The following GAL3ST2 variants were observed in gnomAD, a reference collection of about 807,000 sequenced individuals.
The protein encoded by GAL3ST2 is beta-galactose-3-O-sulfotransferase 2.
Under a neutral mutation model 12.9 loss-of-function variants are expected in GAL3ST2, and 16 were observed. The observed-to-expected ratio is 1.24, with a 90% confidence interval of 0.84 to 1.88. GAL3ST2 has a LOEUF of 1.88. Among genes scored for constraint, GAL3ST2 ranks in the 40% most tolerant of loss-of-function variants. The pLI is 0.00. For synonymous variants in GAL3ST2, 302 were observed against 273.9 expected, an observed-to-expected ratio of 1.10 and a Z score of -1.01; for missense variants, 639 against 571.8, an observed-to-expected ratio of 1.12 and a Z score of -1.20.
chr2:241,780,090 G>GA (rs1274461394), intron 1 of GAL3ST2, among the ~76,000 whole-genome samples: 5 of 151,844 alleles, frequency 3.3e-5, no homozygotes, highest in African/African-American at 9.7e-5. Flanking sequence ...GGGAAAAAAA[G>GA]AAAAAAATGC....
At chr2:241,781,420 C>A (rs918970866) in intron 1 of GAL3ST2, among the ~76,000 whole-genome samples, 1 of 152,014 alleles carries the variant, frequency 6.6e-6, no homozygotes, top group Admixed American at 6.6e-5. Context: ...TATTTAAGAA[C>A]ACCTGTTAGA....
chr2:241,776,885 G>A lies in GAL3ST2; in HGVS notation c.-71G>A, dbSNP rs1292655342. ...CACCCTGGGGAGCCCAGAGCCGGCA[G>A]GGGCCGAGGCGGTGGGACCTCGGGG... On this transcript the variant is annotated 5_prime_UTR_variant, in exon 1 of 4. Transcript: ENST00000192314. The A allele has an allele frequency of 3.0e-6, 4 of 1,335,930 alleles. No homozygotes were observed. In the African/African-American group the frequency reaches 4.5e-5, roughly 15 times the overall value. 82.8% of individuals were successfully genotyped at this position (1,335,930 alleles called of 1,614,324 possible).
In GAL3ST2 at chr2:241,804,098, A is replaced by C. The variant is rs756952557; in HGVS notation, c.1129A>C (p.Met377Leu). 28 of 1,525,730 alleles carry C rather than the reference A, an allele frequency of 1.8e-5. No homozygotes were observed. The highest frequency in any genetic ancestry group is 3.4e-4 in the Middle Eastern group (2 of 5,866). The allele number at this position is 1,525,730 out of a possible 1,614,324, so 94.5% of individuals were successfully genotyped here. The stretch of plus-strand genomic sequence containing the variant: ...GCTTGTGATGCCTGAGCTCCAGTAC[A>C]TGGCCCGCCTGTACGCCCTGCAGTT... ...QRLVMPELQY[M>L]ARLYALQFPE... is the part of the protein sequence containing the mutation. The change falls in exon 4 of 4, where the codon ATG becomes CTG. Residue 377 changes from methionine to leucine, a missense_variant. By Grantham distance (15) the Met-to-Leu change is conservative (BLOSUM62 2). Transcript: ENST00000192314.
Position 241,802,283 on chromosome 2 carries a change from C to T in GAL3ST2, c.375+247C>T, listed in dbSNP as rs956635045. ...CCCCACAGCCCCTGCCCAAGGGCGTCCCCAGCGCTCCCCCGCTTCTCTGGC... is the reference window on the plus strand; with the variant it reads ...CCCCACAGCCCCTGCCCAAGGGCGTTCCCAGCGCTCCCCCGCTTCTCTGGC... On this transcript the variant is annotated intron_variant, in intron 3 of 3. Transcript: ENST00000192314. This position sits in a 1 kb window ranked among gnomAD's most constrained non-coding sequence, Gnocchi z 4.8. Among the ~76,000 whole-genome samples, 1 of 152,200 alleles carries T rather than the reference C, an allele frequency of 6.6e-6. No individual in the cohort carries two copies. Among genetic ancestry groups the T allele is most frequent in the African/African-American group, 2.4e-5 (1 of 41,460 alleles).
At chr2:241,777,895 G>A (rs115997942) in intron 1 of GAL3ST2, among the ~76,000 whole-genome samples, 2,650 of 152,266 alleles carry the variant, frequency 0.017, 83 homozygotes, top group African/African-American at 0.061. Flanking sequence ...CCCCGAGGTC[G>A]GCCAGGGCGG....
intron 1 of GAL3ST2, among the ~76,000 whole-genome samples, chr2:241,791,637 TA>T (rs2125193186): frequency 6.6e-6 from 1 of 152,300 alleles, no homozygotes; most frequent in South Asian, 2.1e-4. Flanking sequence ...GGCTCGGCTT[TA>T]AAAAAGTCTT....
chr2:241,783,167 T>C (rs1699586536), intron 1 of GAL3ST2, among the ~76,000 whole-genome samples: 1 of 151,894 alleles, frequency 6.6e-6, no homozygotes, highest in African/African-American at 2.4e-5. Context: ...CAAAAAAAGT[T>C]TAATCTCAAT....
Position 241,801,334 on chromosome 2 carries a change from TGCCACATTTTCTTTAC to T in GAL3ST2, c.120-445_120-430del. 1.7e-3 allele frequency: 320 copies of T among 189,204 alleles called. No homozygotes were observed. The highest frequency in any genetic ancestry group is 4.6e-3 in the South Asian group (36 of 7,814). 11.7% of individuals were successfully genotyped at this position (189,204 alleles called of 1,614,324 possible). ...TGCACAGTATTCCGTGGTGTAGATG[TGCCACATTTTCTTTAC>T]GGTCTCTATGTAACATTCACACCCG... On this transcript the variant is annotated intron_variant, in intron 2 of 3. Transcript: ENST00000192314. This position sits in a 1 kb window ranked among gnomAD's most constrained non-coding sequence, Gnocchi z 4.4.
At position 241,803,715 on chromosome 2, in the gene GAL3ST2, T is replaced by G; in HGVS notation, c.746T>G (p.Val249Gly). 1 of 1,543,720 alleles carries G rather than the reference T, an allele frequency of 6.5e-7. No homozygotes were observed. Among genetic ancestry groups the G allele is most frequent in the African/African-American group, 1.4e-5 (1 of 72,496 alleles). Residue 249 changes from valine to glycine, a missense_variant, in exon 4 of 4, where the codon GTG (valine) becomes GGG (glycine). Val to Gly is a moderately radical substitution (Grantham distance 109). Transcript: ENST00000192314. The stretch of plus-strand genomic sequence containing the variant: ...CTGCGCTGGGCGCTGGACGACGTGG[T>G]GGCCTTCAGGCTCAACTCCCGCAGC... ...RRLRWALDDV[V>G]AFRLNSRSAR... is the part of the protein sequence containing the mutation.
rs1699759684 is a variant in GAL3ST2 at position 241,795,333 on chromosome 2, C to T, written c.30-3732C>T. Among the ~76,000 whole-genome samples, 1 of 152,166 alleles carries T rather than the reference C, an allele frequency of 6.6e-6. No individual in the cohort carries two copies. The highest frequency in any genetic ancestry group is 2.1e-4 in the South Asian group (1 of 4,832). ...TGGAAACGTCATTGTTTTAATTGGGCAGTTGCAAAGAACAGAGACAGATTC... is the reference window on the plus strand; with the variant it reads ...TGGAAACGTCATTGTTTTAATTGGGTAGTTGCAAAGAACAGAGACAGATTC... On this transcript the variant is annotated intron_variant, in intron 1 of 3. Transcript: ENST00000192314. This position sits in a 1 kb window ranked among gnomAD's most constrained non-coding sequence, Gnocchi z 4.5.
chr2:241,798,825 G>T (rs1699807375), intron 1 of GAL3ST2, among the ~76,000 whole-genome samples: 1 of 152,190 alleles, frequency 6.6e-6, no homozygotes, highest in South Asian at 2.1e-4. Context: ...CATCCACTAG[G>T]CTCTTTCCGG....
intron 1 of GAL3ST2, among the ~76,000 whole-genome samples, chr2:241,792,305 C>T (rs935515207): frequency 2.0e-5 from 3 of 152,092 alleles, no homozygotes; most frequent in African/African-American, 7.2e-5. Flanking sequence ...GCTGGGATTA[C>T]AGACATGAAC....
At chr2:241,803,289 TG>T in intron 3 of GAL3ST2, 55 bp from the exon 4 acceptor site, 6 of 1,434,266 alleles carry the variant, frequency 4.2e-6, no homozygotes, top group Non-Finnish European at 5.6e-6. Flanking sequence ...TCCCCGCGGG[TG>T]GGCCACCCTG....
intron 1 of GAL3ST2, among the ~76,000 whole-genome samples, chr2:241,789,976 A>G (rs576729803): frequency 1.8e-5 from 2 of 109,244 alleles, no homozygotes; most frequent in East Asian, 2.9e-4. Context: ...GAAAACTCCT[A>G]TAATTCTGAT....
chr2:241,794,031 C>T (rs1476075420), intron 1 of GAL3ST2, among the ~76,000 whole-genome samples: 2 of 152,240 alleles, frequency 1.3e-5, no homozygotes, highest in South Asian at 2.1e-4. Flanking sequence ...ACTGCAGCCT[C>T]GACCTCCCTG....
rs1699822322 is a variant in GAL3ST2, at chr2:241,800,094, T to G, written c.119+940T>G. Among the ~76,000 whole-genome samples, 1 of 152,158 alleles carries G rather than the reference T, an allele frequency of 6.6e-6. No homozygotes were observed. Among genetic ancestry groups the G allele is most frequent in the Non-Finnish European group, 1.5e-5 (1 of 68,028 alleles). On this transcript the variant is annotated intron_variant, in intron 2 of 3. Coordinates refer to ENST00000192314, the MANE Select transcript of GAL3ST2 (RefSeq NM_022134.3). This position sits in a 1 kb window ranked among gnomAD's most constrained non-coding sequence, Gnocchi z 5.2. Reference sequence around the variant, plus strand: ...GGGGTGATGTGTGGGCCAGAGTGTGTAGCCCCCGAGGGAAACAGGGATGGG... The same window carrying G: ...GGGGTGATGTGTGGGCCAGAGTGTGGAGCCCCCGAGGGAAACAGGGATGGG...
chr2:241,776,858 T>A lies in GAL3ST2; in HGVS notation c.-98T>A. The A allele has an allele frequency of 9.0e-7, 1 of 1,105,304 alleles. No homozygotes were observed. Among genetic ancestry groups the A allele is most frequent in the Non-Finnish European group, 1.2e-6 (1 of 830,270 alleles). 68.5% of individuals were successfully genotyped at this position (1,105,304 alleles called of 1,614,324 possible). ...CCCACAGCCGCACCCTGCCTGTGCC[T>A]GCACCCTGGGGAGCCCAGAGCCGGC... On this transcript the variant is annotated 5_prime_UTR_variant, in exon 1 of 4. Coordinates refer to ENST00000192314, the MANE Select transcript of GAL3ST2 (RefSeq NM_022134.3).
At chr2:241,791,294 A>G (rs916444071) in intron 1 of GAL3ST2, among the ~76,000 whole-genome samples, 1 of 152,192 alleles carries the variant, frequency 6.6e-6, no homozygotes, top group African/African-American at 2.4e-5. Context: ...AATTTATGGG[A>G]GTACAGTTAT....
In GAL3ST2 at chr2:241,801,664, G is replaced by C; in HGVS notation, c.120-117G>C. 2.1e-6 allele frequency: 3 copies of C among 1,398,908 alleles called. No homozygotes were observed. The highest frequency in any genetic ancestry group is 2.9e-6 in the Non-Finnish European group (3 of 1,044,816). The allele number at this position is 1,398,908 out of a possible 1,614,324, so 86.7% of individuals were successfully genotyped here. ...TACCCAGTTGGCCCCCTGGCCTAGA[G>C]TTGGGGGGCTCAGGTTGGGAGGTCT... On this transcript the variant is annotated intron_variant, in intron 2 of 3. Coordinates refer to ENST00000192314, the MANE Select transcript of GAL3ST2 (RefSeq NM_022134.3). This position sits in a 1 kb window ranked among gnomAD's most constrained non-coding sequence, Gnocchi z 4.4.
Sources: gnomAD v4.1 joint callset for allele counts (sites outside exome capture counted in the v4.1 genomes callset) on GRCh38, gnomAD v4.1.1 for gene constraint, Gnocchi (gnomAD v3.1) non-coding constraint, MANE v1.5 for transcripts, NCBI Gene and HGNC (gene_info 2026-07-23, HGNC 2026-07-21) for gene names.